The following MDN1 variants were observed in gnomAD, a reference collection of about 807,000 sequenced individuals.
MDN1 encodes midasin.
In MDN1, 266 loss-of-function variants were observed where a neutral mutation model predicts 669.2. The observed-to-expected ratio is 0.40, with a 90% CI of 0.36 to 0.44. MDN1 has a LOEUF of 0.44. Among genes scored for constraint, MDN1 ranks in the 20% least tolerant of loss-of-function variants. The pLI is 1.00. For missense variants in MDN1, 5,940 were observed against 6,754.0 expected, an observed-to-expected ratio of 0.88 and a Z score of 4.22; for synonymous variants, 2,385 against 2,457.1, an observed-to-expected ratio of 0.97 and a Z score of 0.87.
intron 76 of MDN1, among the ~76,000 whole-genome samples, chr6:89,677,016 CAA>C (rs577064668): frequency 3.9e-4 from 31 of 80,198 alleles, no homozygotes; most frequent in Non-Finnish European, 4.5e-4. Flanking sequence ...AATCAAAAGG[CAA>C]AAAAAAAAAA....
At chr6:89,648,652 G>C (rs571969616) in intron 97 of MDN1, among the ~76,000 whole-genome samples, 6 of 152,034 alleles carry the variant, frequency 3.9e-5, no homozygotes, top group African/African-American at 1.4e-4. Context: ...AGGATCACTT[G>C]AGTCCAGGAA....
chr6:89,646,150 T>C (rs988769223), intron 100 of MDN1, among the ~76,000 whole-genome samples: 8 of 152,198 alleles, frequency 5.3e-5, no homozygotes, highest in Non-Finnish European at 7.3e-5. Context: ...AAATGCTGAA[T>C]TTTCAATCCA....
At chr6:89,684,842 TC>T in intron 71 of MDN1, 33 bp downstream of exon 71, 8 of 1,382,586 alleles carry the variant, frequency 5.8e-6, no homozygotes, top group Non-Finnish European at 8.2e-6. Flanking sequence ...GATTTTGTCC[TC>T]CCAAGAGTGA....
At chr6:89,739,372 ATATTTTGAATGCAATG>A (rs1223625237) in intron 32 of MDN1, among the ~76,000 whole-genome samples, 1 of 152,184 alleles carries the variant, frequency 6.6e-6, no homozygotes, top group East Asian at 1.9e-4. Flanking sequence ...GCCAGTTTTT[ATATTTTGAATGCAATG>A]TATTTTATTC....
In MDN1 at chr6:89,672,568, C is replaced by T; in HGVS notation, c.13609G>A (p.Ala4537Thr). Residue 4537 changes from alanine (A) to threonine (T), a missense_variant, in exon 81 of 102, where the codon GCA becomes ACA. This residue lies in a region of MDN1 where 2,280 missense variants were observed against 2,576.3 expected (regional missense o/e 0.88). Transcript: ENST00000369393. ...NEKAEENTDQ[A>T]SPQEDYAGFE... ...ATACCATAATCTTCTTGTGGGCTTG[C>T]TTGGTCAGTGTTCTCCTCTGCTTTT... The T allele has an allele frequency of 1.2e-6, 2 of 1,613,716 alleles. No individual in the cohort carries two copies. The highest frequency in any genetic ancestry group is 1.7e-6 in the Non-Finnish European group (2 of 1,179,872).
chr6:89,771,280 C>T (rs924630228), intron 15 of MDN1, among the ~76,000 whole-genome samples: 1 of 152,168 alleles, frequency 6.6e-6, no homozygotes, highest in African/African-American at 2.4e-5. Context: ...TCAAACTGTT[C>T]AAGTGCCAGA....
intron 58 of MDN1, among the ~76,000 whole-genome samples, chr6:89,699,371 C>A (rs1318315486): frequency 1.3e-5 from 2 of 152,156 alleles, no homozygotes; most frequent in East Asian, 1.9e-4. Context: ...ATTTTCATCT[C>A]ATTTAATTGG....
At chr6:89,663,057 G>A (rs979966478) in intron 85 of MDN1, 90 bp from the exon 86 acceptor site, 5 of 1,433,544 alleles carry the variant, frequency 3.5e-6, no homozygotes, top group African/African-American at 1.4e-5. Context: ...TCCCTAGCAA[G>A]GGCCCCACCT....
intron 13 of MDN1, 59 bp from the exon 14 acceptor site, chr6:89,772,780 C>A: frequency 1.3e-6 from 2 of 1,576,022 alleles, no homozygotes; most frequent in South Asian, 1.1e-5. Flanking sequence ...TAGTTTTGCT[C>A]TGGGAAACCA....
rs1270630005 is a variant in MDN1 at position 89,685,929 on chromosome 6, C to T, written c.11617G>A (p.Ala3873Thr). The T allele has an allele frequency of 3.7e-6, 6 of 1,614,006 alleles. No individual in the cohort carries two copies. Among genetic ancestry groups the T allele is most frequent in the Admixed American group, 1.7e-5 (1 of 60,000 alleles). The change falls in exon 70 of 102, where the codon GCA becomes ACA. Residue 3873 changes from alanine (A) to threonine (T), a missense_variant. This residue lies in a region of MDN1 where 2,280 missense variants were observed against 2,576.3 expected (regional missense o/e 0.88). Transcript: ENST00000369393. The part of the protein sequence containing the change: ...TLMLLVSTLQ[A>T]FIEGSSLGEF... ...CCCAGCGAGGATCCTTCAATAAATG[C>T]TTGTAATGTGCTGACCAGCAACATC... is the stretch of plus-strand genomic sequence containing the variant.
In MDN1 at chr6:89,672,260, G is replaced by A; in HGVS notation, c.13734C>T (p.Ile4578=). Residue 4578 remains isoleucine (I), a synonymous_variant, in exon 82 of 102, where the codon ATC becomes ATT. Coordinates refer to ENST00000369393, the MANE Select transcript of MDN1 (RefSeq NM_014611.3). ...TLHVQKIISA[I]SELLERLKSY... ...ATTTCAGCCTCTCCAACAGCTCGGA[G>A]ATGGCAGAAATTATTTTCTGCACGT... 1 of 1,612,064 alleles carries A rather than the reference G, an allele frequency of 6.2e-7. No individual in the cohort carries two copies. The highest frequency in any genetic ancestry group is 2.2e-5 in the East Asian group (1 of 44,856).
At chr6:89,671,316 T>G (rs1810740673) in intron 82 of MDN1, among the ~76,000 whole-genome samples, 1 of 152,190 alleles carries the variant, frequency 6.6e-6, no homozygotes, top group Non-Finnish European at 1.5e-5. Flanking sequence ...GATGTCTCCT[T>G]TGGCTAACAA....
At chr6:89,716,834 C>T in intron 43 of MDN1, 25 bp from the exon 44 acceptor site, 1 of 1,575,114 alleles carries the variant, frequency 6.3e-7, no homozygotes, top group African/African-American at 1.4e-5. Flanking sequence ...GGAAGAATCA[C>T]CATCCACAGC....
chr6:89,676,292 G>A, intron 76 of MDN1, 85 bp from the exon 77 acceptor site: 1 of 1,211,748 alleles, frequency 8.3e-7, no homozygotes, highest in Non-Finnish European at 1.2e-6. Flanking sequence ...TGGTATATTT[G>A]GCCATAACCA....
chr6:89,675,964 G>C, intron 77 of MDN1, 138 bp downstream of exon 77: 3 of 692,724 alleles, frequency 4.3e-6, no homozygotes, highest in Non-Finnish European at 4.8e-6. Flanking sequence ...TATATTTTAA[G>C]TTTAAGGATG....
At chr6:89,708,293 A>G (rs1813653907) in intron 51 of MDN1, among the ~76,000 whole-genome samples, 2 of 152,200 alleles carry the variant, frequency 1.3e-5, no homozygotes, top group African/African-American at 4.8e-5. Context: ...ACAGAGCTAG[A>G]CCCTGTCTCA....
In MDN1 at chr6:89,655,860, GCTC is replaced by G. The variant is rs1809243192; in HGVS notation, c.15391_15393del (p.Glu5131del). 6.2e-7 allele frequency: 1 copy of G among 1,613,976 alleles called. No individual in the cohort carries two copies. Among genetic ancestry groups the G allele is most frequent in the African/African-American group, 1.3e-5 (1 of 74,908 alleles). On this transcript the variant is annotated inframe_deletion, in exon 92 of 102. Transcript: ENST00000369393. Reference sequence around the variant, plus strand: ...GCCTGGGGCTGCTGAGCTGGCCCCTGCTCGGCATGGCTGTCCGTATCCACAGTC... The same window carrying G: ...GCCTGGGGCTGCTGAGCTGGCCCCTGGGCATGGCTGTCCGTATCCACAGTC...
intron 10 of MDN1, chr6:89,781,135 T>G (rs921839003): frequency 4.4e-6 from 2 of 455,972 alleles, no homozygotes; most frequent in Non-Finnish European, 8.0e-6. Flanking sequence ...TTAAAAGTTA[T>G]TTTTTAAAGT....
chr6:89,800,012 G>A (rs1767527467), intron 2 of MDN1, among the ~76,000 whole-genome samples: 1 of 152,060 alleles, frequency 6.6e-6, no homozygotes, highest in African/African-American at 2.4e-5. Context: ...TGATAATAAA[G>A]TTAAAACTTT....
Sources: allele counts gnomAD v4.1 joint callset (sites outside exome capture counted in the v4.1 genomes callset), GRCh38; gene constraint gnomAD v4.1.1; regional missense constraint gnomAD v4.1.1; transcripts MANE v1.5; gene names NCBI Gene and HGNC (gene_info 2026-07-23, HGNC 2026-07-21).